Variants in GBE1 observed in about 807,000 individuals in gnomAD.
GBE1 encodes the protein 1,4-alpha-glucan branching enzyme 1.
GBE1 carries 70 observed loss-of-function variants against 88.8 expected under a neutral mutation model. The observed-to-expected ratio is 0.79, with a 90% CI of 0.65 to 0.96. The LOEUF (loss-of-function observed/expected upper bound fraction) is 0.96. GBE1 is among the 40% of genes least tolerant of loss of function. The pLI is 0.00. For synonymous variants in GBE1, 284 were observed against 300.1 expected, an observed-to-expected ratio of 0.95 and a Z score of 0.56; for missense variants, 872 against 871.0, an observed-to-expected ratio of 1.00 and a Z score of -0.01.
intron 11 of GBE1, 37 bp downstream of exon 11, chr3:81,581,128 G>A: frequency 8.4e-7 from 1 of 1,185,886 alleles, no homozygotes; most frequent in Non-Finnish European, 1.2e-6. Context: ...AAGAGAGAGA[G>A]AGAGAAATAA....
intron 14 of GBE1, among the ~76,000 whole-genome samples, chr3:81,501,715 T>TA (rs1553675835): frequency 3.0e-5 from 4 of 134,238 alleles, no homozygotes; most frequent in South Asian, 2.4e-4. Context: ...TTTTTTTTTT[T>TA]AAGACAGGGT....
At chr3:81,546,412 C>T (rs989775072) in intron 12 of GBE1, among the ~76,000 whole-genome samples, 1 of 152,182 alleles carries the variant, frequency 6.6e-6, no homozygotes, top group Admixed American at 6.5e-5. Context: ...GCAACTCCAT[C>T]TTGAAGAGGG....
chr3:81,705,689 G>A, intron 1 of GBE1, 76 bp from the exon 2 acceptor site: 2 of 919,456 alleles, frequency 2.2e-6, no homozygotes, highest in Non-Finnish European at 3.1e-6. Flanking sequence ...TTAAGTAACT[G>A]CTTTAGTCTT....
chr3:81,573,572 T>C (rs1703603710), intron 12 of GBE1, among the ~76,000 whole-genome samples: 1 of 152,226 alleles, frequency 6.6e-6, no homozygotes, highest in Non-Finnish European at 1.5e-5. Context: ...ATTTTTCATC[T>C]CTGAATACAT....
intron 14 of GBE1, 76 bp downstream of exon 14, chr3:81,535,119 T>C (rs76005913): frequency 9.0e-6 from 2 of 221,544 alleles, no homozygotes; most frequent in Non-Finnish European, 1.1e-5. Context: ...ACCTTAGTCT[T>C]TTTTTTTTTT....
intron 7 of GBE1, among the ~76,000 whole-genome samples, chr3:81,604,936 G>A (rs908056059): frequency 2.6e-5 from 4 of 151,596 alleles, no homozygotes; most frequent in African/African-American, 7.3e-5. Context: ...TCATCTTTCC[G>A]TATTGTTTAT....
intron 3 of GBE1, among the ~76,000 whole-genome samples, chr3:81,665,535 CAAAAA>C (rs1244162448): frequency 1.1e-5 from 1 of 90,082 alleles, no homozygotes; most frequent in Non-Finnish European, 2.4e-5. Flanking sequence ...GACTCCGTCT[CAAAAA>C]AAAAAAAAAA....
At chr3:81,699,674 T>C (rs1350812316) in intron 2 of GBE1, among the ~76,000 whole-genome samples, 1 of 152,132 alleles carries the variant, frequency 6.6e-6, no homozygotes, top group Non-Finnish European at 1.5e-5. Context: ...CCCTTATCTT[T>C]TTCAAATTGT....
chr3:81,527,270 G>C lies in GBE1; in HGVS notation c.1934+7925C>G, dbSNP rs562904078. 8.3e-4 allele frequency among the ~76,000 whole-genome samples: 126 copies of C among 152,130 alleles called. 1 individual carries two copies. Among genetic ancestry groups the C allele is most frequent in the Admixed American group, 3.3e-3 (51 of 15,266 alleles). On this transcript the variant is annotated intron_variant, in intron 14 of 15. Transcript: ENST00000429644. ...TAGACCTAAAACCATAAAAACCCTAGAAGAAAACCTAGGCAATACCATTCA... is the reference window on the plus strand; with the variant it reads ...TAGACCTAAAACCATAAAAACCCTACAAGAAAACCTAGGCAATACCATTCA...
intron 7 of GBE1, among the ~76,000 whole-genome samples, chr3:81,597,503 A>G (rs1425143803): frequency 6.8e-6 from 1 of 146,292 alleles, no homozygotes; most frequent in Admixed American, 6.9e-5. Context: ...ATATATATAT[A>G]TATCTCATTG....
At chr3:81,507,690 GTA>G (rs140994395) in intron 14 of GBE1, among the ~76,000 whole-genome samples, 3 of 150,938 alleles carry the variant, frequency 2.0e-5, no homozygotes, top group Admixed American at 6.6e-5. Flanking sequence ...ATATATATGT[GTA>G]TATATATATA....
At chr3:81,624,263 C>A (rs1055623359) in intron 7 of GBE1, among the ~76,000 whole-genome samples, 1 of 152,106 alleles carries the variant, frequency 6.6e-6, no homozygotes, top group Non-Finnish European at 1.5e-5. Context: ...GGGGGAAATG[C>A]CCCCATGATT....
intron 14 of GBE1, among the ~76,000 whole-genome samples, chr3:81,519,666 T>A (rs868384341): frequency 6.6e-6 from 1 of 151,134 alleles, no homozygotes; most frequent in South Asian, 2.1e-4. Flanking sequence ...AATAGAACCA[T>A]GACACATTCA....
At chr3:81,726,557 T>G (rs1466884329) in intron 1 of GBE1, among the ~76,000 whole-genome samples, 2 of 151,990 alleles carry the variant, frequency 1.3e-5, no homozygotes, top group East Asian at 3.9e-4. Flanking sequence ...TAGTTTTTAT[T>G]TAAATATGGC....
At chr3:81,700,078 G>A (rs917449222) in intron 2 of GBE1, among the ~76,000 whole-genome samples, 5 of 152,160 alleles carry the variant, frequency 3.3e-5, no homozygotes, top group Non-Finnish European at 5.9e-5. Context: ...CCTGTATTCT[G>A]GAGTGAATTT....
chr3:81,633,343 G>A (rs1431961962), intron 7 of GBE1, among the ~76,000 whole-genome samples: 1 of 152,130 alleles, frequency 6.6e-6, no homozygotes, highest in Non-Finnish European at 1.5e-5. Flanking sequence ...GTATTTTACA[G>A]AGGGGGAAAT....
chr3:81,597,777 T>A (rs1355518112), intron 7 of GBE1, among the ~76,000 whole-genome samples: 1 of 151,774 alleles, frequency 6.6e-6, no homozygotes, highest in Non-Finnish European at 1.5e-5. Context: ...AGAAACTGAA[T>A]ACATCGATGG....
chr3:81,559,110 C>G (rs1026077120), intron 12 of GBE1, among the ~76,000 whole-genome samples: 1 of 151,836 alleles, frequency 6.6e-6, no homozygotes, highest in Non-Finnish European at 1.5e-5. Flanking sequence ...TTTAGCTACT[C>G]GAGAAGTATT....
At chr3:81,571,359 T>C (rs1326844528) in intron 12 of GBE1, among the ~76,000 whole-genome samples, 1 of 152,230 alleles carries the variant, frequency 6.6e-6, no homozygotes, top group African/African-American at 2.4e-5. Flanking sequence ...TTTCAACTTA[T>C]GTGTTAACAT....
Sources: allele counts gnomAD v4.1 joint callset (sites outside exome capture counted in the v4.1 genomes callset), GRCh38; gene constraint gnomAD v4.1.1; transcripts MANE v1.5; gene names NCBI Gene and HGNC (gene_info 2026-07-23, HGNC 2026-07-21).